Variants in KIAA0825 observed in about 807,000 individuals in gnomAD.
The protein encoded by KIAA0825 is uncharacterized protein KIAA0825.
A neutral mutation model predicts 147.6 loss-of-function variants in KIAA0825; 119 were observed. The ratio of observed to expected loss-of-function variants is 0.81; its 90% CI spans 0.69 to 0.94. The LOEUF is 0.94. Among genes scored for constraint, KIAA0825 ranks in the 40% least tolerant of loss-of-function variants. KIAA0825 has a pLI of 0.00. For missense variants in KIAA0825, 1,381 were observed against 1,472.7 expected (o/e 0.94, Z 1.02); for synonymous variants, 470 against 518.1 (o/e 0.91, Z 1.26).
intron 5 of KIAA0825, among the ~76,000 whole-genome samples, chr5:94,495,917 T>C (rs1764299750): frequency 6.6e-6 from 1 of 152,214 alleles, no homozygotes; most frequent in African/African-American, 2.4e-5. Flanking sequence ...ATCTTAGACT[T>C]ATTTGATTTT....
rs1304384534 is a variant in KIAA0825, at chr5:94,615,011, A to G, written c.-153+3489T>C. Among the ~76,000 whole-genome samples the G allele has an allele frequency of 4.6e-5, 7 of 151,986 alleles. No homozygotes were observed. The South Asian group carries it at 1.2e-3, about 27-fold the overall frequency. ...CAGCAATCCTATGGATCCATTTTAC[A>G]TATGAAAACATAAGCTCACAAAGGT... On this transcript the variant is annotated intron_variant, in intron 1 of 20. Coordinates refer to ENST00000682413, the MANE Select transcript of KIAA0825 (RefSeq NM_001145678.3).
chr5:94,415,379 A>T (rs569561913), intron 15 of KIAA0825: 1 of 152,334 alleles, frequency 6.6e-6, no homozygotes, highest in East Asian at 1.9e-4. Context: ...CAGCTGTATT[A>T]CTTGTAACAA....
intron 20 of KIAA0825, among the ~76,000 whole-genome samples, chr5:94,251,069 A>G (rs542294782): frequency 5.3e-5 from 8 of 152,078 alleles, no homozygotes; most frequent in Non-Finnish European, 1.2e-4. Context: ...CCAATTAGAC[A>G]TCTCTATTTC....
intron 20 of KIAA0825, among the ~76,000 whole-genome samples, chr5:94,185,657 T>A: frequency 6.6e-6 from 1 of 152,150 alleles, no homozygotes; most frequent in Non-Finnish European, 1.5e-5. Context: ...TCATAATGTA[T>A]GGAGTACATG....
At chr5:94,409,564 C>G (rs1752496803) in intron 15 of KIAA0825, among the ~76,000 whole-genome samples, 1 of 152,002 alleles carries the variant, frequency 6.6e-6, no homozygotes. Context: ...AGTTTCCTTT[C>G]AGTCTTACAC....
At chr5:94,492,110 G>A (rs973421022) in intron 5 of KIAA0825, among the ~76,000 whole-genome samples, 8 of 152,096 alleles carry the variant, frequency 5.3e-5, no homozygotes, top group African/African-American at 1.9e-4. Flanking sequence ...TCCTCTCTCT[G>A]TCTTTCCCCA....
At chr5:94,531,766 C>T (rs531962388) in intron 3 of KIAA0825, among the ~76,000 whole-genome samples, 1 of 152,252 alleles carries the variant, frequency 6.6e-6, no homozygotes, top group African/African-American at 2.4e-5. Flanking sequence ...AACTGAAGTG[C>T]AAACACAAGA....
At chr5:94,284,286 T>A (rs977083511) in intron 20 of KIAA0825, among the ~76,000 whole-genome samples, 4 of 152,116 alleles carry the variant, frequency 2.6e-5, no homozygotes, top group Non-Finnish European at 5.9e-5. Context: ...GACAGGATTA[T>A]GTTATGAATG....
chr5:94,314,089 T>C (rs776424421), intron 20 of KIAA0825, among the ~76,000 whole-genome samples: 1 of 151,652 alleles, frequency 6.6e-6, no homozygotes, highest in East Asian at 1.9e-4. Flanking sequence ...TTCTACTACC[T>C]ACCACCTTCA....
chr5:94,463,007 A>C (rs1291360264), intron 11 of KIAA0825, among the ~76,000 whole-genome samples: 1 of 151,934 alleles, frequency 6.6e-6, no homozygotes, highest in African/African-American at 2.4e-5. Flanking sequence ...TGTCAAAAAA[A>C]GTTACAAGAT....
chr5:94,351,920 T>C (rs956448298), intron 20 of KIAA0825, among the ~76,000 whole-genome samples: 2 of 152,064 alleles, frequency 1.3e-5, no homozygotes, highest in African/African-American at 4.8e-5. Flanking sequence ...TATACAAAAA[T>C]CAACTCAAGA....
At chr5:94,332,158 C>T (rs1781335814) in intron 20 of KIAA0825, among the ~76,000 whole-genome samples, 1 of 87,872 alleles carries the variant, frequency 1.1e-5, no homozygotes, top group Non-Finnish European at 2.2e-5. Flanking sequence ...GAGACTCCAT[C>T]TCAAAAAAAA....
Position 94,276,058 on chromosome 5 carries a change from GCACTGCACAGGACTATAAAACCTT to G in KIAA0825, c.3710+108286_3710+108309del, listed in dbSNP as rs138295005. Reference sequence around the variant, plus strand: ...TTAGGCAAATGGAATGACATCTGCTGCACTGCACAGGACTATAAAACCTTCACTGCATGCTAGGTCTCTGGAAGC... The same window carrying G: ...TTAGGCAAATGGAATGACATCTGCTGCACTGCATGCTAGGTCTCTGGAAGC... On this transcript the variant is annotated intron_variant, in intron 20 of 20. Coordinates refer to ENST00000682413, the MANE Select transcript of KIAA0825 (RefSeq NM_001145678.3). 6.2e-3 allele frequency among the ~76,000 whole-genome samples: 944 copies of G among 152,222 alleles called. 9 individuals carry two copies. The highest frequency in any genetic ancestry group is 0.022 in the African/African-American group (914 of 41,554).
At chr5:94,379,887 T>C (rs1220384559) in intron 20 of KIAA0825, among the ~76,000 whole-genome samples, 3 of 138,448 alleles carry the variant, frequency 2.2e-5, no homozygotes, top group Non-Finnish European at 3.1e-5. Flanking sequence ...GGAGTCTTGC[T>C]CTCTAGCCCA....
chr5:94,313,118 T>G (rs2150212412), intron 20 of KIAA0825, among the ~76,000 whole-genome samples: 1 of 151,842 alleles, frequency 6.6e-6, no homozygotes, highest in South Asian at 2.1e-4. Flanking sequence ...CTTGTTAAAA[T>G]GTATTAGGAG....
At chr5:94,206,719 G>A (rs1163364153) in intron 20 of KIAA0825, among the ~76,000 whole-genome samples, 1 of 151,984 alleles carries the variant, frequency 6.6e-6, no homozygotes, top group East Asian at 1.9e-4. Flanking sequence ...TCACACTATG[G>A]TTTCTTTTTA....
At chr5:94,374,117 G>C (rs986209630) in intron 20 of KIAA0825, among the ~76,000 whole-genome samples, 10 of 152,326 alleles carry the variant, frequency 6.6e-5, no homozygotes, top group Middle Eastern at 3.4e-3. Context: ...ATACAAGCAA[G>C]TTTTAAAATA....
intron 17 of KIAA0825, among the ~76,000 whole-genome samples, chr5:94,392,211 C>T (rs1018757809): frequency 1.3e-5 from 2 of 152,098 alleles, no homozygotes; most frequent in African/African-American, 2.4e-5. Context: ...TGCTTCATGG[C>T]GGTATGCTTA....
chr5:94,549,604 T>G (rs909018680), intron 2 of KIAA0825, among the ~76,000 whole-genome samples: 3 of 152,056 alleles, frequency 2.0e-5, no homozygotes, highest in Non-Finnish European at 4.4e-5. Context: ...TCCCAGCTAC[T>G]TGGGAGGCAG....
Sources: allele counts gnomAD v4.1 joint callset (sites outside exome capture counted in the v4.1 genomes callset), GRCh38; gene constraint gnomAD v4.1.1; transcripts MANE v1.5; gene names NCBI Gene and HGNC (gene_info 2026-07-23, HGNC 2026-07-21).